Variants in DSCAML1 observed in about 807,000 individuals in gnomAD.
DSCAML1 encodes cell adhesion molecule DSCAML1.
In DSCAML1, 38 loss-of-function variants were observed where a neutral mutation model predicts 200.5. The observed-to-expected ratio is 0.19, with a 90% CI of 0.15 to 0.25. The LOEUF (loss-of-function observed/expected upper bound fraction) is 0.25. DSCAML1 is among the 10% of genes least tolerant of loss of function. The pLI is 1.00. For synonymous variants in DSCAML1, 1,215 were observed against 1,165.0 expected, an observed-to-expected ratio of 1.04 and a Z score of -0.87; for missense variants, 2,223 against 2,858.8, an observed-to-expected ratio of 0.78 and a Z score of 5.07.
chr11:117,493,422 T>G (rs1390087385), intron 11 of DSCAML1, among the ~76,000 whole-genome samples: 8 of 151,412 alleles, frequency 5.3e-5, no homozygotes, highest in Admixed American at 5.3e-4. Context: ...GTTCAAGTGA[T>G]TTCCCTGCCT....
intron 11 of DSCAML1, among the ~76,000 whole-genome samples, chr11:117,496,731 A>T (rs1318699474): frequency 6.6e-6 from 1 of 152,192 alleles, no homozygotes; most frequent in African/African-American, 2.4e-5. Context: ...AGAAGGAGGT[A>T]AGAGCCCAGA....
rs117892902 is a variant in DSCAML1 at position 117,497,729 on chromosome 11, C to T, written c.2359+6116G>A. The stretch of plus-strand genomic sequence containing the variant: ...TGGGCCAGGGTGGGGCCCTTTCTGC[C>T]ACCTGGAGGCTGGGCAGGTGAGGCC... On this transcript the variant is annotated intron_variant, in intron 11 of 32. Transcript: ENST00000651296. 4.1e-4 allele frequency among the ~76,000 whole-genome samples: 63 copies of T among 152,354 alleles called. No homozygotes were observed. In the East Asian group the frequency reaches 0.012, roughly 28 times the overall value.
chr11:117,790,693 T>G (rs1319281968), intron 1 of DSCAML1, among the ~76,000 whole-genome samples: 1 of 152,234 alleles, frequency 6.6e-6, no homozygotes, highest in East Asian at 1.9e-4. Context: ...TTATTCTTAT[T>G]TATGCACATA....
intron 3 of DSCAML1, among the ~76,000 whole-genome samples, chr11:117,568,902 G>A (rs1357364998): frequency 5.9e-5 from 9 of 152,224 alleles, no homozygotes; most frequent in Admixed American, 2.0e-4. Flanking sequence ...AAAAGAGCCC[G>A]CATCACCAAG....
intron 3 of DSCAML1, among the ~76,000 whole-genome samples, chr11:117,591,659 A>G (rs563983195): frequency 6.6e-6 from 1 of 152,274 alleles, no homozygotes; most frequent in South Asian, 2.1e-4. Context: ...TCCTCTTCAT[A>G]AATTATCCCG....
At chr11:117,430,100 C>T (rs1197875776) in intron 32 of DSCAML1, among the ~76,000 whole-genome samples, 1 of 152,212 alleles carries the variant, frequency 6.6e-6, no homozygotes, top group Non-Finnish European at 1.5e-5. Context: ...GTGACCCCAG[C>T]ATCTGCTGAT....
chr11:117,473,908 T>A (rs183854957), intron 14 of DSCAML1, among the ~76,000 whole-genome samples: 1 of 152,274 alleles, frequency 6.6e-6, no homozygotes, highest in Admixed American at 6.5e-5. Context: ...GCTAGTCATG[T>A]GGAGGCAGGT....
chr11:117,430,395 A>G (rs892935294), intron 32 of DSCAML1, among the ~76,000 whole-genome samples: 1 of 152,254 alleles, frequency 6.6e-6, no homozygotes, highest in Non-Finnish European at 1.5e-5. Flanking sequence ...GAGGCCTTAC[A>G]ACACGCTGGG....
intron 3 of DSCAML1, among the ~76,000 whole-genome samples, chr11:117,697,436 C>T (rs930884769): frequency 6.6e-6 from 1 of 152,062 alleles, no homozygotes; most frequent in Non-Finnish European, 1.5e-5. Context: ...TTTATTATGG[C>T]AAAATATGCA....
chr11:117,507,813 G>T (rs1229544607), intron 8 of DSCAML1, among the ~76,000 whole-genome samples: 1 of 152,172 alleles, frequency 6.6e-6, no homozygotes, highest in Non-Finnish European at 1.5e-5. Flanking sequence ...CTTTTCCGGG[G>T]TTCTGGTCAT....
chr11:117,614,858 T>G (rs2051777892), intron 3 of DSCAML1, among the ~76,000 whole-genome samples: 1 of 152,184 alleles, frequency 6.6e-6, no homozygotes, highest in South Asian at 2.1e-4. Flanking sequence ...CTATGCAAGA[T>G]CCAGCATCTG....
At chr11:117,798,870 C>T (rs767613231), upstream of DSCAML1, among the ~76,000 whole-genome samples, 1 of 152,192 alleles carries the variant, frequency 6.6e-6, no homozygotes, top group African/African-American at 2.4e-5. Flanking sequence ...AGAGCTTGCT[C>T]TATAAGCTGC....
intron 3 of DSCAML1, among the ~76,000 whole-genome samples, chr11:117,746,971 C>T (rs182112420): frequency 1.6e-4 from 24 of 152,310 alleles, no homozygotes; most frequent in Non-Finnish European, 2.9e-4. Flanking sequence ...GAGATTTGTC[C>T]TGCCTCTGGA....
Position 117,810,240 on chromosome 11 carries a change from CCAAAACTCCGTGGACT to C in DSCAML1, c.-250+7134_-250+7149del, listed in dbSNP as rs1295156053. Among the ~76,000 whole-genome samples the C allele has an allele frequency of 1.1e-4, 17 of 150,986 alleles. 1 individual carries two copies. Among genetic ancestry groups the C allele is most frequent in the South Asian group, 1.0e-3 (5 of 4,824 alleles). On this transcript the variant is annotated intron_variant, in intron 1 of 2. Coordinates refer to the DSCAML1 transcript ENST00000525836. ...CTCCGTGGACCCAAACTCCGTGGACCCAAAACTCCGTGGACTCAAAACTCCAGCGCCCTCTGGGGGA... is the reference window on the plus strand; with the variant it reads ...CTCCGTGGACCCAAACTCCGTGGACCCAAAACTCCAGCGCCCTCTGGGGGA...
chr11:117,625,381 A>C (rs1241699059), intron 3 of DSCAML1, among the ~76,000 whole-genome samples: 2 of 151,946 alleles, frequency 1.3e-5, no homozygotes, highest in African/African-American at 4.8e-5. Flanking sequence ...GAAGAAGGAG[A>C]GTGACTCACA....
At chr11:117,460,710 G>A (rs1184601658) in intron 18 of DSCAML1, among the ~76,000 whole-genome samples, 1 of 152,148 alleles carries the variant, frequency 6.6e-6, no homozygotes, top group Non-Finnish European at 1.5e-5. Context: ...ACATTCAAAA[G>A]TTTGGGCCAT....
chr11:117,598,375 G>A (rs781371589), intron 3 of DSCAML1, among the ~76,000 whole-genome samples: 25 of 152,190 alleles, frequency 1.6e-4, no homozygotes, highest in Admixed American at 8.5e-4. Context: ...GCAGGAATTC[G>A]TTCATTAACT....
At chr11:117,658,000 C>A (rs546542791) in intron 3 of DSCAML1, among the ~76,000 whole-genome samples, 9 of 152,088 alleles carry the variant, frequency 5.9e-5, no homozygotes, top group African/African-American at 1.9e-4. Flanking sequence ...GGCACTGGAG[C>A]GGGGCTTGGT....
At chr11:117,508,095 G>C (rs1207560050) in intron 8 of DSCAML1, among the ~76,000 whole-genome samples, 1 of 152,106 alleles carries the variant, frequency 6.6e-6, no homozygotes, top group African/African-American at 2.4e-5. Flanking sequence ...TTGTAGCAGA[G>C]ACCCAGATGT....
Sources: allele counts gnomAD v4.1 joint callset (sites outside exome capture counted in the v4.1 genomes callset), GRCh38; gene constraint gnomAD v4.1.1; transcripts MANE v1.5; gene names NCBI Gene and HGNC (gene_info 2026-07-23, HGNC 2026-07-21).